CNTNAP5: variants seen among roughly 807,000 people sequenced by gnomAD.
The protein encoded by CNTNAP5 is contactin associated protein family member 5, also known as contactin-associated protein-like 5.
Under a neutral mutation model 150.2 loss-of-function variants are expected in CNTNAP5, and 72 were observed. That is an observed-to-expected ratio of 0.48 (90% confidence interval 0.40 to 0.58). The LOEUF is 0.58. Among genes scored for constraint, CNTNAP5 ranks in the 20% least tolerant of loss-of-function variants. CNTNAP5 has a pLI of 0.00. For missense variants in CNTNAP5, 1,636 were observed against 1,626.2 expected (o/e 1.01, Z -0.10); for synonymous variants, 672 against 619.8 (o/e 1.08, Z -1.25).
chr2:124,776,033 A>C (rs1208229536), intron 17 of CNTNAP5, among the ~76,000 whole-genome samples: 1 of 152,180 alleles, frequency 6.6e-6, no homozygotes, highest in Non-Finnish European at 1.5e-5. Context: ...AATGAAAATG[A>C]AGAGACTGTA....
intron 1 of CNTNAP5, among the ~76,000 whole-genome samples, chr2:124,217,482 C>T (rs1336155101): frequency 6.6e-6 from 1 of 152,124 alleles, no homozygotes; most frequent in African/African-American, 2.4e-5. Flanking sequence ...GCTCCCCAGC[C>T]ATGTGCTTGG....
At chr2:124,758,531 A>G (rs1174529901) in intron 14 of CNTNAP5, among the ~76,000 whole-genome samples, 2 of 152,100 alleles carry the variant, frequency 1.3e-5, no homozygotes, top group East Asian at 3.9e-4. Flanking sequence ...AGGGGCCGAC[A>G]TGTTCCATGG....
In CNTNAP5 at chr2:124,736,337, T is replaced by C. The variant is rs561861250; in HGVS notation, c.2078-10892T>C. On this transcript the variant is annotated intron_variant, in intron 13 of 23. Coordinates refer to ENST00000682447, the MANE Select transcript of CNTNAP5 (RefSeq NM_001367498.1). ...TTTTCTTCCTTTTGCTTTCCACATATTGCTTAATATTGTACGTCAAATTTA... is the reference window on the plus strand; with the variant it reads ...TTTTCTTCCTTTTGCTTTCCACATACTGCTTAATATTGTACGTCAAATTTA... Among the ~76,000 whole-genome samples the C allele has an allele frequency of 1.7e-3, 253 of 152,310 alleles. 2 individuals carry two copies. The highest frequency in any genetic ancestry group is 5.7e-3 in the African/African-American group (238 of 41,578).
intron 10 of CNTNAP5, among the ~76,000 whole-genome samples, chr2:124,554,692 G>A (rs1389790068): frequency 6.6e-6 from 1 of 152,124 alleles, no homozygotes; most frequent in Non-Finnish European, 1.5e-5. Context: ...AAAGGGCTGA[G>A]ATCACAAGGG....
intron 12 of CNTNAP5, among the ~76,000 whole-genome samples, chr2:124,647,086 C>G (rs1052634796): frequency 6.6e-6 from 1 of 152,224 alleles, no homozygotes; most frequent in Non-Finnish European, 1.5e-5. Context: ...TATCTCCCCT[C>G]TCTCACTGCC....
At chr2:124,555,212 T>G (rs2104921709) in intron 10 of CNTNAP5, among the ~76,000 whole-genome samples, 1 of 152,326 alleles carries the variant, frequency 6.6e-6, no homozygotes. Flanking sequence ...AGTACCATAC[T>G]TCTTTACCCA....
intron 1 of CNTNAP5, among the ~76,000 whole-genome samples, chr2:124,095,353 G>A (rs1247423770): frequency 3.3e-5 from 5 of 152,156 alleles, no homozygotes; most frequent in African/African-American, 7.2e-5. Flanking sequence ...ATGGGGTGAC[G>A]GGCTAGGGGA....
rs541064665 is a variant in CNTNAP5 at position 124,285,840 on chromosome 2, G to A, written c.381+43447G>A. ...ACAAACAAACGAAAAACAAGAAGAAGAAAAGAGAAGAGAGAAAACCCTGGG... is the reference window on the plus strand; with the variant it reads ...ACAAACAAACGAAAAACAAGAAGAAAAAAAGAGAAGAGAGAAAACCCTGGG... On this transcript the variant is annotated intron_variant, in intron 3 of 23. Coordinates refer to ENST00000682447, the MANE Select transcript of CNTNAP5 (RefSeq NM_001367498.1). Among the ~76,000 whole-genome samples the A allele has an allele frequency of 2.0e-5, 3 of 151,780 alleles. No homozygotes were observed. In the East Asian group the frequency reaches 5.8e-4, roughly 30 times the overall value.
intron 10 of CNTNAP5, among the ~76,000 whole-genome samples, chr2:124,556,489 A>T (rs1043712476): frequency 6.6e-6 from 1 of 152,182 alleles, no homozygotes; most frequent in Admixed American, 6.5e-5. Context: ...GTTTAAGGTT[A>T]TTGTATTTTA....
chr2:124,632,332 A>C (rs1420378917), intron 12 of CNTNAP5, among the ~76,000 whole-genome samples: 2 of 152,254 alleles, frequency 1.3e-5, no homozygotes, highest in African/African-American at 4.8e-5. Flanking sequence ...GACTGGATAA[A>C]GAAAATGTGG....
intron 21 of CNTNAP5, among the ~76,000 whole-genome samples, chr2:124,896,670 C>T (rs1678311585): frequency 6.6e-6 from 1 of 151,336 alleles, no homozygotes; most frequent in African/African-American, 2.5e-5. Flanking sequence ...TCCCAAGTAG[C>T]TGAGATTACA....
At chr2:124,267,949 A>C (rs1246648872) in intron 3 of CNTNAP5, among the ~76,000 whole-genome samples, 4 of 152,196 alleles carry the variant, frequency 2.6e-5, no homozygotes, top group Admixed American at 6.5e-5. Context: ...GAAGAGTCTG[A>C]GTATGCAGAG....
intron 10 of CNTNAP5, 29 bp downstream of exon 10, chr2:124,527,485 G>A (rs1407050416): frequency 1.3e-6 from 2 of 1,557,182 alleles, no homozygotes; most frequent in African/African-American, 1.4e-5. Flanking sequence ...CCTCTGTTCT[G>A]CCACCCCCTT....
chr2:124,302,360 A>T (rs1189145752), intron 3 of CNTNAP5, among the ~76,000 whole-genome samples: 1 of 152,258 alleles, frequency 6.6e-6, no homozygotes, highest in Non-Finnish European at 1.5e-5. Context: ...GCTATAACAG[A>T]ATAACACAGA....
At chr2:124,897,045 T>C (rs1678321138) in intron 21 of CNTNAP5, among the ~76,000 whole-genome samples, 1 of 151,644 alleles carries the variant, frequency 6.6e-6, no homozygotes, top group Non-Finnish European at 1.5e-5. Context: ...TGAATATATT[T>C]ATTCCAAGCA....
At chr2:124,355,942 A>G (rs370855030) in intron 3 of CNTNAP5, among the ~76,000 whole-genome samples, 38 of 152,306 alleles carry the variant, frequency 2.5e-4, no homozygotes, top group African/African-American at 8.7e-4. Context: ...ATGTTGTAAC[A>G]CGTCTGCAAA....
intron 19 of CNTNAP5, among the ~76,000 whole-genome samples, chr2:124,848,631 T>C (rs1390749109): frequency 6.6e-6 from 1 of 152,114 alleles, no homozygotes; most frequent in Non-Finnish European, 1.5e-5. Flanking sequence ...TGTACAAGGG[T>C]TCGCTTTTCT....
At chr2:124,038,817 G>A (rs1011820012) in intron 1 of CNTNAP5, among the ~76,000 whole-genome samples, 12 of 152,154 alleles carry the variant, frequency 7.9e-5, no homozygotes, top group East Asian at 1.9e-4. Context: ...ACAATTTCAC[G>A]CAAAAGCAAC....
At chr2:124,227,633 C>CGTGTGT (rs760848365) in intron 2 of CNTNAP5, among the ~76,000 whole-genome samples, 6,665 of 121,996 alleles carry the variant, frequency 0.055, 215 homozygotes, top group Non-Finnish European at 0.073. Context: ...CTCAGCACAT[C>CGTGTGT]GTGTGTATGT....
Sources: gnomAD v4.1 joint callset for allele counts (sites outside exome capture counted in the v4.1 genomes callset) on GRCh38, gnomAD v4.1.1 for gene constraint, MANE v1.5 for transcripts, NCBI Gene and HGNC (gene_info 2026-07-23, HGNC 2026-07-21) for gene names.